Variants in CHM observed in about 807,000 individuals in gnomAD.
CHM encodes rab proteins geranylgeranyltransferase component A 1.
Under a neutral mutation model 49.0 loss-of-function variants are expected in CHM, and 10 were observed. That is an observed-to-expected ratio of 0.20 (90% CI 0.13 to 0.35). The LOEUF (loss-of-function observed/expected upper bound fraction) is 0.35. Ranked by LOEUF, CHM falls within the 10% of genes least tolerant of loss-of-function variation. CHM has a pLI of 1.00. For missense variants in CHM, 455 were observed against 478.4 expected, an observed-to-expected ratio of 0.95 and a Z score of 0.46; for synonymous variants, 184 against 167.5, an observed-to-expected ratio of 1.10 and a Z score of -0.76.
chrX:85,963,220 G>A (rs909079519), intron 5 of CHM, among the ~76,000 whole-genome samples: 1 of 111,260 alleles, frequency 9.0e-6, no homozygotes, highest in South Asian at 3.8e-4. Flanking sequence ...TGTTCCCCTC[G>A]CTGTGTCCAT....
At chrX:85,880,897 C>T (rs1361326952) in intron 12 of CHM, among the ~76,000 whole-genome samples, 2 of 111,487 alleles carry the variant, frequency 1.8e-5, no homozygotes, top group Non-Finnish European at 3.8e-5. Context: ...TTCCTGTTAC[C>T]TAGGTCACCT....
At chrX:85,910,402 T>C (rs1215443936) in intron 9 of CHM, among the ~76,000 whole-genome samples, 1 of 111,717 alleles carries the variant, frequency 9.0e-6, no homozygotes, top group Non-Finnish European at 1.9e-5. Context: ...GGTCAGTAGA[T>C]TGTTGAGAAC....
intron 8 of CHM, among the ~76,000 whole-genome samples, chrX:85,945,523 C>T (rs1295122236): frequency 9.7e-6 from 1 of 102,656 alleles, no homozygotes; most frequent in Non-Finnish European, 2.0e-5. Context: ...CTGAGGCCTC[C>T]CCAGAAGCCA....
chrX:85,902,188 C>T (rs1036865934), intron 9 of CHM, among the ~76,000 whole-genome samples: 2 of 111,431 alleles, frequency 1.8e-5, no homozygotes, highest in African/African-American at 6.5e-5. Flanking sequence ...TTATGTGTTG[C>T]CCCTCATAAG....
chrX:85,962,371 T>C (rs922663184), intron 5 of CHM, among the ~76,000 whole-genome samples: 29 of 112,009 alleles, frequency 2.6e-4, no homozygotes, highest in African/African-American at 9.1e-4. Context: ...AAGTATGAAG[T>C]AGAACCAATG....
intron 12 of CHM, among the ~76,000 whole-genome samples, chrX:85,889,119 T>C (rs1328303607): frequency 1.8e-5 from 2 of 111,481 alleles, no homozygotes; most frequent in African/African-American, 3.3e-5. Flanking sequence ...ATATGACAAA[T>C]GGAAAAATAA....
chrX:85,970,588 G>T, intron 4 of CHM: 1 of 258,160 alleles, frequency 3.9e-6, no homozygotes, highest in Non-Finnish European at 5.4e-6. Flanking sequence ...GCTTCTGTTT[G>T]TCAGTAAGAT....
intron 2 of CHM, among the ~76,000 whole-genome samples, chrX:86,021,196 T>A (rs1439577538): frequency 1.2e-5 from 1 of 84,933 alleles, no homozygotes; most frequent in Non-Finnish European, 2.2e-5. Context: ...ATATATGAAA[T>A]CCGAAGCACT....
chrX:85,862,519 T>C lies in CHM; in HGVS notation c.*2111A>G, dbSNP rs993193007. ...TGCCCCAGCTGGGTTTCAGGAAACA[T>C]GATTTGATATAAGAAAAATCGAATC... On this transcript the variant is annotated 3_prime_UTR_variant, in exon 15 of 15. Transcript: ENST00000357749. 1.1e-4 allele frequency: 12 copies of C among 112,131 alleles called. No homozygotes were observed. Among genetic ancestry groups the C allele is most frequent in the Admixed American group, 9.5e-4 (10 of 10,489 alleles). 9.2% of individuals were successfully genotyped at this position (112,131 alleles called of 1,213,427 possible). A position where few individuals can be genotyped will look rare whatever the true frequency, so the allele number is the denominator to read the frequency against.
chrX:85,944,802 A>G (rs1473775980), intron 8 of CHM, among the ~76,000 whole-genome samples: 2 of 112,042 alleles, frequency 1.8e-5, no homozygotes, highest in South Asian at 7.4e-4. Context: ...AGGAATACAA[A>G]TCATTCTACC....
At chrX:86,015,466 G>A (rs2411870) in intron 2 of CHM, among the ~76,000 whole-genome samples, 28,689 of 110,773 alleles carry the variant, frequency 0.26, 3,294 homozygotes, top group Admixed American at 0.38. Flanking sequence ...TACCAGTAGA[G>A]TGGGGTGTTG....
intron 7 of CHM, among the ~76,000 whole-genome samples, chrX:85,956,877 CCACATAAT>C (rs1458637258): frequency 9.0e-6 from 1 of 111,153 alleles, no homozygotes; most frequent in Non-Finnish European, 1.9e-5. Context: ...AGTCTTATGG[CCACATAAT>C]CACATCAAAA....
chrX:85,875,323 T>C (rs1288986121), intron 13 of CHM, among the ~76,000 whole-genome samples: 1 of 112,039 alleles, frequency 8.9e-6, no homozygotes, highest in Non-Finnish European at 1.9e-5. Context: ...TGCTGAGCTT[T>C]GGCTAGGAGT....
chrX:85,995,260 TAA>T (rs55742394), intron 2 of CHM, among the ~76,000 whole-genome samples: 6 of 46,809 alleles, frequency 1.3e-4, no homozygotes, highest in African/African-American at 2.7e-4. Context: ...CCTTATTACT[TAA>T]AAAAAAAAAA....
At chrX:86,009,301 C>T (rs1932957846) in intron 2 of CHM, among the ~76,000 whole-genome samples, 1 of 112,438 alleles carries the variant, frequency 8.9e-6, no homozygotes, top group Non-Finnish European at 1.9e-5. Flanking sequence ...TGACCATGAT[C>T]ATGGAACAAT....
At chrX:85,967,249 A>T (rs1290576577) in intron 4 of CHM, among the ~76,000 whole-genome samples, 1 of 112,313 alleles carries the variant, frequency 8.9e-6, no homozygotes, top group Admixed American at 9.4e-5. Flanking sequence ...CCCAAATTTA[A>T]AACTTTATAC....
chrX:86,042,032 A>G (rs1229021083), intron 1 of CHM, among the ~76,000 whole-genome samples: 1 of 109,851 alleles, frequency 9.1e-6, no homozygotes, highest in South Asian at 4.0e-4. Flanking sequence ...GCACAAACAG[A>G]TATTTGGTAA....
chrX:85,907,117 G>A (rs1386813699), intron 9 of CHM, among the ~76,000 whole-genome samples: 1 of 111,487 alleles, frequency 9.0e-6, no homozygotes, highest in African/African-American at 3.3e-5. Context: ...GCAACAAAGC[G>A]AGACTCTGTC....
intron 4 of CHM, among the ~76,000 whole-genome samples, chrX:85,966,490 C>T (rs899745782): frequency 9.0e-6 from 1 of 111,300 alleles, no homozygotes; most frequent in Non-Finnish European, 1.9e-5. Flanking sequence ...ATAATAGCAT[C>T]GCTATTAACA....
Sources: gnomAD v4.1 joint callset for allele counts (sites outside exome capture counted in the v4.1 genomes callset) on GRCh38, gnomAD v4.1.1 for gene constraint, MANE v1.5 for transcripts, NCBI Gene and HGNC (gene_info 2026-07-23, HGNC 2026-07-21) for gene names.